The following ABHD18 variants were observed in gnomAD, a reference collection of about 807,000 sequenced individuals.
The protein encoded by ABHD18 is cardiolipin-specific deacylase, mitochondrial.
A neutral mutation model predicts 65.9 loss-of-function variants in ABHD18; 55 were observed. That is an observed-to-expected ratio of 0.84 (90% confidence interval 0.67 to 1.05). The LOEUF (loss-of-function observed/expected upper bound fraction) is 1.05. Among genes scored for constraint, ABHD18 ranks in the 50% least tolerant of loss-of-function variants. ABHD18 has a pLI of 0.00. For missense variants in ABHD18, 533 were observed against 558.5 expected (o/e 0.95, Z 0.46); for synonymous variants, 181 against 180.2 (o/e 1.00, Z -0.04).
chr4:127,975,581 T>C (rs1359942653), intron 1 of ABHD18, among the ~76,000 whole-genome samples: 1 of 152,220 alleles, frequency 6.6e-6, no homozygotes, highest in East Asian at 1.9e-4. Flanking sequence ...CAATGGACAC[T>C]AAAAGCTCCC....
intron 1 of ABHD18, among the ~76,000 whole-genome samples, chr4:127,966,849 C>T (rs1745645571): frequency 1.3e-5 from 2 of 148,366 alleles, no homozygotes; most frequent in Admixed American, 1.3e-4. Context: ...CACGCCACTG[C>T]ACTCCAGCCT....
At chr4:128,006,883 A>G (rs941237027) in intron 4 of ABHD18, among the ~76,000 whole-genome samples, 2 of 152,074 alleles carry the variant, frequency 1.3e-5, no homozygotes, top group African/African-American at 4.8e-5. Context: ...CCAGGAGTTC[A>G]AGACCATTCG....
chr4:127,975,411 T>G (rs1339959354), intron 1 of ABHD18, among the ~76,000 whole-genome samples: 1 of 152,226 alleles, frequency 6.6e-6, no homozygotes, highest in Non-Finnish European at 1.5e-5. Flanking sequence ...ATATTTGTCT[T>G]TTTGTGGCTG....
At chr4:128,034,516 C>T (rs772974190) in intron 12 of ABHD18, among the ~76,000 whole-genome samples, 2 of 151,662 alleles carry the variant, frequency 1.3e-5, no homozygotes, top group Non-Finnish European at 2.9e-5. Flanking sequence ...GAGGCTGCAG[C>T]GTGCTATGAT....
At chr4:127,988,944 A>G (rs971013768) in intron 3 of ABHD18, among the ~76,000 whole-genome samples, 2 of 152,222 alleles carry the variant, frequency 1.3e-5, no homozygotes, top group African/African-American at 4.8e-5. Flanking sequence ...AAAAGAAAGG[A>G]AATCACTGTA....
intron 7 of ABHD18, 98 bp downstream of exon 7, chr4:128,011,798 A>T: frequency 2.6e-6 from 1 of 384,150 alleles, no homozygotes; most frequent in South Asian, 3.3e-5. Context: ...TAAATTGAAT[A>T]CCTAAATATT....
intron 7 of ABHD18, among the ~76,000 whole-genome samples, chr4:128,014,805 G>A (rs549734635): frequency 1.9e-3 from 285 of 152,008 alleles, no homozygotes; most frequent in African/African-American, 6.3e-3. Flanking sequence ...ATGGCCAGGT[G>A]CAGTGGCTCA....
rs1560947085 is a variant in ABHD18, at chr4:128,032,719, ACT to A, written c.1343+2050_1343+2051del. On this transcript the variant is annotated intron_variant, in intron 12 of 12. Transcript: ENST00000645843. The stretch of plus-strand genomic sequence containing the variant: ...ACATTCCAGCCTGGGTGACAGTGAG[ACT>A]CTGTCTCAAAAAATGAATGAATGAA... Among the ~76,000 whole-genome samples, 7 of 152,028 alleles carry A rather than the reference ACT, an allele frequency of 4.6e-5. No homozygotes were observed. The South Asian group carries it at 1.5e-3, about 32-fold the overall frequency.
chr4:127,998,878 G>A (rs929379362), intron 4 of ABHD18, among the ~76,000 whole-genome samples: 5 of 151,968 alleles, frequency 3.3e-5, no homozygotes, highest in East Asian at 1.9e-4. Context: ...GGTACTTTAC[G>A]TACTTAGGAA....
chr4:128,028,341 T>TG, intron 10 of ABHD18, 134 bp from the exon 11 acceptor site: 1 of 658,808 alleles, frequency 1.5e-6, no homozygotes, highest in Non-Finnish European at 2.4e-6. Flanking sequence ...TAATGTTTAA[T>TG]TGTTTGAATA....
chr4:127,972,546 T>TTTTTA (rs1747043362), intron 1 of ABHD18, among the ~76,000 whole-genome samples: 1 of 102,600 alleles, frequency 9.7e-6, no homozygotes, highest in African/African-American at 3.7e-5. Context: ...TTTTTTTTTT[T>TTTTTA]GAGACAGAGT....
At chr4:128,034,825 TA>T (rs769865633) in intron 12 of ABHD18, among the ~76,000 whole-genome samples, 1 of 152,078 alleles carries the variant, frequency 6.6e-6, no homozygotes, top group Non-Finnish European at 1.5e-5. Context: ...TAATTTTTTG[TA>T]ATTTTAGTAG....
At chr4:127,977,044 GA>G (rs920784616) in intron 1 of ABHD18, among the ~76,000 whole-genome samples, 8 of 147,380 alleles carry the variant, frequency 5.4e-5, no homozygotes, top group South Asian at 4.2e-4. Flanking sequence ...CCATCTCAGA[GA>G]AAAAAAAAAC....
At chr4:128,031,998 G>A (rs1758286053) in intron 12 of ABHD18, among the ~76,000 whole-genome samples, 1 of 152,150 alleles carries the variant, frequency 6.6e-6, no homozygotes, top group African/African-American at 2.4e-5. Context: ...TGAACGCAGA[G>A]GACCCACATG....
rs1756575480 is a variant in ABHD18 at position 128,022,002 on chromosome 4, T to A, written c.801+764T>A. Among the ~76,000 whole-genome samples the A allele has an allele frequency of 3.3e-5, 5 of 152,216 alleles. No individual in the cohort carries two copies. In the South Asian group the frequency reaches 1.0e-3, roughly 31 times the overall value. On this transcript the variant is annotated intron_variant, in intron 10 of 12. Transcript: ENST00000645843. Reference sequence around the variant, plus strand: ...CGATAGAAAACCAAACACCGCATGTTCTCACTCATAGGTGGGAATTGAACA... The same window carrying A: ...CGATAGAAAACCAAACACCGCATGTACTCACTCATAGGTGGGAATTGAACA...
chr4:127,996,551 T>A lies in ABHD18; in HGVS notation c.278+6730T>A, dbSNP rs574363742. Among the ~76,000 whole-genome samples the A allele has an allele frequency of 5.1e-4, 77 of 152,320 alleles. 2 individuals are homozygous for A. In the South Asian group the frequency reaches 0.015, roughly 30 times the overall value. The stretch of plus-strand genomic sequence containing the variant: ...TTAGAATTACTGATGAGGGTCTATG[T>A]CCCGCTGTACATGCATTGTCTTGAT... On this transcript the variant is annotated intron_variant, in intron 4 of 12. Transcript: ENST00000645843.
intron 1 of ABHD18, among the ~76,000 whole-genome samples, chr4:127,969,261 G>A (rs1746270409): frequency 6.6e-6 from 1 of 150,766 alleles, no homozygotes; most frequent in Non-Finnish European, 1.5e-5. Flanking sequence ...GAGTGCAATG[G>A]TGCAATATCA....
rs375336856 is a variant in ABHD18 at position 127,972,916 on chromosome 4, G to T, written c.-18+7310G>T. ...AGGCAAGTGTTTTTACTTTGTTTTG[G>T]TTTTTTTGTTGTTGTTTCTGACAAA... On this transcript the variant is annotated intron_variant, in intron 1 of 12. Coordinates refer to ENST00000645843, the MANE Select transcript of ABHD18 (RefSeq NM_001358451.3). 3.9e-4 allele frequency among the ~76,000 whole-genome samples: 60 copies of T among 151,974 alleles called. 1 individual carries two copies. The highest frequency in any genetic ancestry group is 6.8e-3 in the Middle Eastern group (2 of 294).
At chr4:127,976,837 C>T (rs906226863) in intron 1 of ABHD18, among the ~76,000 whole-genome samples, 2 of 152,040 alleles carry the variant, frequency 1.3e-5, no homozygotes, top group African/African-American at 4.8e-5. Context: ...GTCAGGAGAT[C>T]AAGACCATCC....
Sources: gnomAD v4.1 joint callset for allele counts (sites outside exome capture counted in the v4.1 genomes callset) on GRCh38, gnomAD v4.1.1 for gene constraint, MANE v1.5 for transcripts, NCBI Gene and HGNC (gene_info 2026-07-23, HGNC 2026-07-21) for gene names.